The following AGBL1 variants were observed in gnomAD, a reference collection of about 807,000 sequenced individuals.
AGBL1 encodes the protein AGBL carboxypeptidase 1, also known as cytosolic carboxypeptidase 4.
Under a neutral mutation model 118.9 loss-of-function variants are expected in AGBL1, and 130 were observed. That is an observed-to-expected ratio of 1.09 (90% CI 0.95 to 1.26). The LOEUF is 1.26. Ranked by LOEUF, AGBL1 falls within the 50% of genes most tolerant of loss-of-function variation. The pLI is 0.00. For missense variants in AGBL1, 1,584 were observed against 1,298.1 expected (o/e 1.22, Z -3.38); for synonymous variants, 555 against 478.9 (o/e 1.16, Z -2.08).
At chr15:86,829,982 A>G (rs1346746162) in intron 22 of AGBL1, among the ~76,000 whole-genome samples, 1 of 152,100 alleles carries the variant, frequency 6.6e-6, no homozygotes, top group African/African-American at 2.4e-5. Flanking sequence ...CCAGGAGGGT[A>G]TTTAGTTCTC....
intron 21 of AGBL1, among the ~76,000 whole-genome samples, chr15:86,626,302 A>G (rs975656423): frequency 1.3e-5 from 2 of 152,222 alleles, no homozygotes. Flanking sequence ...TGTGGTATAT[A>G]TACACCATGG....
intron 23 of AGBL1, among the ~76,000 whole-genome samples, chr15:86,977,448 A>G (rs1332260447): frequency 6.6e-6 from 1 of 151,590 alleles, no homozygotes; most frequent in African/African-American, 2.4e-5. Context: ...AACTCATCAA[A>G]TATCATTGGA....
At chr15:86,967,168 G>T (rs1387674488) in intron 23 of AGBL1, among the ~76,000 whole-genome samples, 1 of 152,014 alleles carries the variant, frequency 6.6e-6, no homozygotes, top group Non-Finnish European at 1.5e-5. Context: ...CTTGTTGATG[G>T]GGTTGTTTGT....
At chr15:86,156,542 A>G (rs867138062) in intron 4 of AGBL1, among the ~76,000 whole-genome samples, 1 of 152,188 alleles carries the variant, frequency 6.6e-6, no homozygotes, top group Non-Finnish European at 1.5e-5. Flanking sequence ...AGTGGACACA[A>G]CTAGCCATAA....
chr15:86,782,359 A>G (rs2078347785), intron 22 of AGBL1, among the ~76,000 whole-genome samples: 1 of 152,086 alleles, frequency 6.6e-6, no homozygotes, highest in Non-Finnish European at 1.5e-5. Flanking sequence ...CCATTCCAAG[A>G]TATATATTAT....
intron 10 of AGBL1, among the ~76,000 whole-genome samples, chr15:86,263,648 G>T (rs915994739): frequency 6.6e-6 from 1 of 152,180 alleles, no homozygotes; most frequent in African/African-American, 2.4e-5. Flanking sequence ...TTTTTTAATA[G>T]AAACAAATTG....
intron 22 of AGBL1, among the ~76,000 whole-genome samples, chr15:86,893,249 G>A (rs994661498): frequency 2.0e-5 from 3 of 152,140 alleles, no homozygotes; most frequent in Admixed American, 6.6e-5. Context: ...AATTTTAAGT[G>A]TTCGCCTCTT....
At chr15:87,003,931 A>ATT (rs373111453) in intron 24 of AGBL1, among the ~76,000 whole-genome samples, 1 of 151,882 alleles carries the variant, frequency 6.6e-6, no homozygotes, top group Non-Finnish European at 1.5e-5. Context: ...GGATTCATTG[A>ATT]TTTTTTTGAA....
intron 18 of AGBL1, among the ~76,000 whole-genome samples, chr15:86,488,305 G>T (rs1354969398): frequency 6.6e-6 from 1 of 151,910 alleles, no homozygotes; most frequent in Non-Finnish European, 1.5e-5. Context: ...CATCCCAACT[G>T]AAAAGCATTT....
chr15:86,578,032 C>A (rs1265537163), intron 21 of AGBL1, among the ~76,000 whole-genome samples: 3 of 152,156 alleles, frequency 2.0e-5, no homozygotes, highest in African/African-American at 7.2e-5. Context: ...AGAAGAGGGC[C>A]ACCGTCCTCC....
chr15:86,787,371 TACTC>T (rs1438091267), intron 22 of AGBL1, among the ~76,000 whole-genome samples: 1 of 152,136 alleles, frequency 6.6e-6, no homozygotes, highest in Non-Finnish European at 1.5e-5. Context: ...ACTCTAGACT[TACTC>T]ATTCTATGTA....
At chr15:86,568,407 G>T (rs1311721143) in intron 21 of AGBL1, among the ~76,000 whole-genome samples, 1 of 152,100 alleles carries the variant, frequency 6.6e-6, no homozygotes, top group Non-Finnish European at 1.5e-5. Flanking sequence ...GATCTCTAGA[G>T]GGCCCTTCAC....
chr15:86,331,039 C>G (rs1202935685), intron 17 of AGBL1, among the ~76,000 whole-genome samples: 1 of 152,014 alleles, frequency 6.6e-6, no homozygotes, highest in East Asian at 1.9e-4. Flanking sequence ...GGCTGACCAA[C>G]ATGGTGAAAC....
At chr15:86,900,785 C>T (rs904880920) in intron 22 of AGBL1, among the ~76,000 whole-genome samples, 5 of 151,874 alleles carry the variant, frequency 3.3e-5, no homozygotes, top group African/African-American at 1.2e-4. Context: ...AAGATTGTGT[C>T]TTCTTTAAAG....
At chr15:86,844,064 G>A (rs754309951) in intron 22 of AGBL1, among the ~76,000 whole-genome samples, 1 of 152,196 alleles carries the variant, frequency 6.6e-6, no homozygotes, top group Middle Eastern at 3.4e-3. Context: ...ATCAGTAGCT[G>A]GTTCCTATTT....
chr15:86,449,750 C>A (rs1596129330), intron 18 of AGBL1, among the ~76,000 whole-genome samples: 2 of 152,186 alleles, frequency 1.3e-5, no homozygotes, highest in African/African-American at 4.8e-5. Context: ...GCTAAGGCAG[C>A]CTCCTGGTGT....
At chr15:86,392,845 A>G (rs1596059015) in intron 17 of AGBL1, among the ~76,000 whole-genome samples, 1 of 152,330 alleles carries the variant, frequency 6.6e-6, no homozygotes, top group African/African-American at 2.4e-5. Context: ...TGCAGAAAAA[A>G]ATAAATGCAA....
intron 24 of AGBL1, among the ~76,000 whole-genome samples, chr15:86,992,354 C>T (rs1029487345): frequency 2.6e-5 from 4 of 152,078 alleles, no homozygotes; most frequent in Admixed American, 1.3e-4. Context: ...AGGGAAACAT[C>T]GGAACTATGT....
intron 17 of AGBL1, among the ~76,000 whole-genome samples, chr15:86,392,988 A>C (rs2081311128): frequency 6.6e-6 from 1 of 152,186 alleles, no homozygotes; most frequent in Non-Finnish European, 1.5e-5. Flanking sequence ...AGTTCTCTGG[A>C]GTACCATTTG....
Sources: allele counts gnomAD v4.1 joint callset (sites outside exome capture counted in the v4.1 genomes callset), GRCh38; gene constraint gnomAD v4.1.1; transcripts MANE v1.5; gene names NCBI Gene and HGNC (gene_info 2026-07-23, HGNC 2026-07-21).